The following RAD9B variants were observed in gnomAD, a reference collection of about 807,000 sequenced individuals.
RAD9B encodes RAD9 checkpoint clamp component B, also known as cell cycle checkpoint control protein RAD9B.
In RAD9B, 41 loss-of-function variants were observed where a neutral mutation model predicts 48.3. That is an observed-to-expected ratio of 0.85 (90% CI 0.66 to 1.10). The LOEUF is 1.10. RAD9B is among the 50% of genes least tolerant of loss of function. The pLI is 0.00. For missense variants in RAD9B, 444 were observed against 485.1 expected, an observed-to-expected ratio of 0.92 and a Z score of 0.80; for synonymous variants, 160 against 157.9, an observed-to-expected ratio of 1.01 and a Z score of -0.10.
chr12:110,531,716 T>TA lies in RAD9B; in HGVS notation c.*1065dup, dbSNP rs1565909196. The TA allele has an allele frequency of 2.2e-6, 3 of 1,344,322 alleles. No homozygotes were observed. Among genetic ancestry groups the TA allele is most frequent in the Non-Finnish European group, 3.1e-6 (3 of 970,556 alleles). The allele number at this position is 1,344,322 out of a possible 1,614,324, so 83.3% of individuals were successfully genotyped here. ...CAAATGTCTCTGTTCTTTGGCCCTTTAAGAGTTAGCTTTTTACCTGCACAA... is the reference window on the plus strand; with the variant it reads ...CAAATGTCTCTGTTCTTTGGCCCTTTAAAGAGTTAGCTTTTTACCTGCACAA... On this transcript the variant is annotated 3_prime_UTR_variant, in exon 11 of 11. Transcript: ENST00000409300.
At chr12:110,509,978 G>A (rs7956963) in intron 4 of RAD9B, among the ~76,000 whole-genome samples, 20,673 of 152,070 alleles carry the variant, frequency 0.14, 2,026 homozygotes, top group African/African-American at 0.28. Flanking sequence ...TTTTAAATAC[G>A]TAAAATATGT....
chr12:110,512,903 T>G, intron 5 of RAD9B, 25 bp downstream of exon 5: 3 of 1,146,010 alleles, frequency 2.6e-6, no homozygotes, highest in Non-Finnish European at 3.9e-6. Context: ...GTTGTCAGTT[T>G]TTTTCACCTG....
rs556258180 is a variant in RAD9B at position 110,532,426 on chromosome 12, C to T, written c.*1773C>T. Among the ~76,000 whole-genome samples, 7 of 152,224 alleles carry T rather than the reference C, an allele frequency of 4.6e-5. No homozygotes were observed. The highest frequency in any genetic ancestry group is 1.9e-4 in the East Asian group (1 of 5,184). ...GGACTATTATTATAGTTAATACTGG[C>T]GGGGTGTAGTGGCTCATGCCTGTAA... On this transcript the variant is annotated 3_prime_UTR_variant, in exon 11 of 11. Coordinates refer to ENST00000409300, the MANE Select transcript of RAD9B (RefSeq NM_001286535.2).
intron 9 of RAD9B, among the ~76,000 whole-genome samples, chr12:110,521,715 C>A (rs1196394195): frequency 6.6e-6 from 1 of 151,876 alleles, no homozygotes; most frequent in Non-Finnish European, 1.5e-5. Flanking sequence ...GCCACCACGC[C>A]CGGCTAATTT....
intron 9 of RAD9B, among the ~76,000 whole-genome samples, chr12:110,520,775 C>T (rs1341931222): frequency 6.6e-6 from 1 of 151,446 alleles, no homozygotes; most frequent in Non-Finnish European, 1.5e-5. Context: ...CTCAGCCTCC[C>T]TAGTCGCTGG....
chr12:110,506,714 T>C, intron 4 of RAD9B, 21 bp downstream of exon 4: 1 of 1,130,122 alleles, frequency 8.8e-7, no homozygotes, highest in Non-Finnish European at 1.3e-6. Context: ...TTAAAAGTGG[T>C]TTAAAATACT....
At chr12:110,522,489 C>T in intron 10 of RAD9B, 78 bp downstream of exon 10, 2 of 958,428 alleles carry the variant, frequency 2.1e-6, no homozygotes, top group Non-Finnish European at 3.2e-6. Flanking sequence ...TCCCCAATCC[C>T]CACCCAGCCA....
Position 110,522,408 on chromosome 12 carries a change from A to G in RAD9B, c.1122A>G (p.Arg374=), listed in dbSNP as rs957597229. The change falls in exon 10 of 11, where the codon AGA becomes AGG. Residue 374 remains arginine, a synonymous_variant. Transcript: ENST00000409300. ...AAGTGCCAGGGTCTCTGTGTCTCAG[A>G]AAGGTAAAAGCATTGAGATTCAACC... ...TEEVPGSLCL[R]KFSCMFFGAV... The G allele has an allele frequency of 6.3e-7, 1 of 1,598,584 alleles. No individual in the cohort carries two copies. The highest frequency in any genetic ancestry group is 1.3e-5 in the African/African-American group (1 of 74,696).
chr12:110,510,935 C>T (rs896547945), intron 4 of RAD9B, among the ~76,000 whole-genome samples: 4 of 149,650 alleles, frequency 2.7e-5, no homozygotes, highest in African/African-American at 9.9e-5. Flanking sequence ...GCCTTGGCAA[C>T]AGGTTGAGAC....
chr12:110,504,010 T>C, intron 2 of RAD9B, 134 bp downstream of exon 2: 1 of 573,244 alleles, frequency 1.7e-6, no homozygotes, highest in Non-Finnish European at 3.1e-6. Context: ...ATTTTACATA[T>C]CTGAATACAC....
chr12:110,509,629 C>G (rs1371660432), intron 4 of RAD9B, among the ~76,000 whole-genome samples: 2 of 152,026 alleles, frequency 1.3e-5, no homozygotes, highest in African/African-American at 2.4e-5. Flanking sequence ...TTGAGGGTGT[C>G]TAGTGTGTGC....
chr12:110,531,368 A>G lies in RAD9B; in HGVS notation c.*715A>G, dbSNP rs749378793. On this transcript the variant is annotated 3_prime_UTR_variant, in exon 11 of 11. Transcript: ENST00000409300. Reference sequence around the variant, plus strand: ...CCACCATGCCTGGCTAATTTCTGGTATTTTGTAGAGACAGGGTTTCGCCAT... The same window carrying G: ...CCACCATGCCTGGCTAATTTCTGGTGTTTTGTAGAGACAGGGTTTCGCCAT... 2.3e-6 allele frequency: 1 copy of G among 435,882 alleles called. No homozygotes were observed. Among genetic ancestry groups the G allele is most frequent in the Non-Finnish European group, 4.0e-6 (1 of 251,868 alleles). The allele number at this position is 435,882 out of a possible 1,614,324, so 27.0% of individuals were successfully genotyped here. A position where few individuals can be genotyped will look rare whatever the true frequency, so the allele number is the denominator to read the frequency against.
rs1281892817 is a variant in RAD9B, at chr12:110,506,581, A to T, written c.276A>T (p.Ser92=). 7 of 1,445,094 alleles carry T rather than the reference A, an allele frequency of 4.8e-6. No homozygotes were observed. The highest frequency in any genetic ancestry group is 6.8e-6 in the Non-Finnish European group (7 of 1,027,574). 89.5% of individuals were successfully genotyped at this position (1,445,094 alleles called of 1,614,324 possible). ...TAATATGTATATTTCTGTTACAGTC[A>T]ATTTTGCCCATCTTTAGATGTCTGA... ...LHLKCKLGMK[S]ILPIFRCLNS... Residue 92 remains serine, a splice_region_variant and synonymous_variant, in exon 4 of 11, where the codon TCA becomes TCT. Coordinates refer to ENST00000409300, the MANE Select transcript of RAD9B (RefSeq NM_001286535.2).
chr12:110,525,221 CCTCAGGTGATCCA>C (rs2063900330), intron 10 of RAD9B, among the ~76,000 whole-genome samples: 1 of 152,046 alleles, frequency 6.6e-6, no homozygotes, highest in African/African-American at 2.4e-5. Flanking sequence ...GATCTCCCGA[CCTCAGGTGATCCA>C]CTCGCCTTGG....
intron 4 of RAD9B, among the ~76,000 whole-genome samples, chr12:110,509,200 C>T (rs1401846566): frequency 6.6e-6 from 1 of 151,690 alleles, no homozygotes; most frequent in Admixed American, 6.6e-5. Flanking sequence ...GATCTCCTGA[C>T]CTCGTGATCT....
In RAD9B at chr12:110,505,623, C is replaced by G. The variant is rs760848686; in HGVS notation, c.124C>G (p.Leu42Val). 5.1e-6 allele frequency: 8 copies of G among 1,553,470 alleles called. No individual in the cohort carries two copies. In the East Asian group the frequency reaches 1.9e-4, roughly 37 times the overall value. ...TTTTATCTTATTTTTCTAGCTTGCT[C>G]TAAGATGTGTGAATTCTTCTCGGTC... ...WLDPSKKGLA[L>V]RCVNSSRSAY... The change falls in exon 3 of 11, where the codon CTA becomes GTA. Residue 42 changes from leucine (L) to valine (V), a missense_variant. Coordinates refer to ENST00000409300, the MANE Select transcript of RAD9B (RefSeq NM_001286535.2).
At chr12:110,520,291 T>A (rs992594530) in intron 9 of RAD9B, among the ~76,000 whole-genome samples, 1 of 152,164 alleles carries the variant, frequency 6.6e-6, no homozygotes, top group Admixed American at 6.6e-5. Flanking sequence ...CACTGCAGCC[T>A]CCATTTCCCT....
chr12:110,517,400 T>G (rs917540616), intron 6 of RAD9B, among the ~76,000 whole-genome samples: 1 of 150,934 alleles, frequency 6.6e-6, no homozygotes, highest in Admixed American at 6.6e-5. Flanking sequence ...CGAGGAGGGC[T>G]GATCACCTGA....
At chr12:110,530,432 T>G (rs943918814) in intron 10 of RAD9B, 93 bp from the exon 11 acceptor site, 2 of 1,110,368 alleles carry the variant, frequency 1.8e-6, no homozygotes, top group Admixed American at 1.9e-5. Flanking sequence ...GATATAATAC[T>G]GGTCAGGTTT....
Sources: allele counts gnomAD v4.1 joint callset (sites outside exome capture counted in the v4.1 genomes callset), GRCh38; gene constraint gnomAD v4.1.1; transcripts MANE v1.5; gene names NCBI Gene and HGNC (gene_info 2026-07-23, HGNC 2026-07-21).